The following NOP2 variants were observed in gnomAD, a reference collection of about 807,000 sequenced individuals.
NOP2 encodes the protein NOP2 nucleolar protein.
In NOP2, 7 loss-of-function variants were observed where a neutral mutation model predicts 72.7. The observed-to-expected ratio is 0.10, with a 90% CI of 0.05 to 0.18. The LOEUF is 0.18. Among genes scored for constraint, NOP2 ranks in the 10% least tolerant of loss-of-function variants. The pLI, the probability that NOP2 is intolerant of heterozygous loss-of-function variation, is 1.00. For missense variants in NOP2, 954 were observed against 1,014.7 expected (o/e 0.94, Z 0.81); for synonymous variants, 387 against 388.0 (o/e 1.00, Z 0.03).
rs544955920 is a variant in NOP2 at position 6,565,678 on chromosome 12, T to C, written c.474+423A>G. ...TTTGTAGATACGGGATCTCCCTATG[T>C]TGCCCAAGCTGGTCTCCAATTCCTG... On this transcript the variant is annotated intron_variant, in intron 5 of 15. Coordinates refer to ENST00000322166, the MANE Select transcript of NOP2 (RefSeq NM_001258308.2). Among the ~76,000 whole-genome samples the C allele has an allele frequency of 7.9e-5, 12 of 151,848 alleles. 1 individual carries two copies. Among genetic ancestry groups the C allele is most frequent in the African/African-American group, 2.4e-4 (10 of 41,366 alleles).
chr12:6,563,014 G>C (rs1255426232), intron 9 of NOP2, 67 bp downstream of exon 9: 3 of 1,440,202 alleles, frequency 2.1e-6, no homozygotes, highest in Non-Finnish European at 1.9e-6. Context: ...TAGCACAGAG[G>C]AATCTCTGGA....
At chr12:6,564,988 AG>A (rs544824506) in intron 5 of NOP2, among the ~76,000 whole-genome samples, 152 of 152,258 alleles carry the variant, frequency 1.0e-3, no homozygotes, top group African/African-American at 3.4e-3. Flanking sequence ...AAGGGGATGT[AG>A]GAAGGGGGTG....
At chr12:6,567,774 C>T (rs1232055597) in intron 2 of NOP2, 42 bp downstream of exon 2, 1 of 1,476,520 alleles carries the variant, frequency 6.8e-7, no homozygotes, top group East Asian at 2.3e-5. Flanking sequence ...ATACAGAATA[C>T]TGCAAAAGCT....
intron 5 of NOP2, among the ~76,000 whole-genome samples, chr12:6,565,570 G>A (rs565022930): frequency 4.4e-4 from 67 of 152,114 alleles, no homozygotes; most frequent in African/African-American, 1.6e-3. Flanking sequence ...GAACTCCGGA[G>A]CTCAGGTGAT....
Position 6,563,098 on chromosome 12 carries a change from G to A in NOP2, c.961C>T (p.Arg321Cys), listed in dbSNP as rs1351840893. Residue 321 changes from arginine to cysteine, a missense_variant, in exon 9 of 16, where the codon CGC becomes TGC. This residue lies in a region of NOP2 where 498 missense variants were observed against 478.3 expected (regional missense o/e 1.04). Coordinates refer to ENST00000322166, the MANE Select transcript of NOP2 (RefSeq NM_001258308.2). ...TLRTNTLKTRRRDLAQALINR... is the reference protein window; with the variant it reads ...TLRTNTLKTRCRDLAQALINR... ...CCCCTCACCTGTGCAAGGTCTCGGC[G>A]TCGGGTTTTCAAGGTATTGGTCCGG... 4.4e-6 allele frequency: 7 copies of A among 1,591,070 alleles called. No homozygotes were observed. Among genetic ancestry groups the A allele is most frequent in the African/African-American group, 2.7e-5 (2 of 74,400 alleles).
Position 6,566,584 on chromosome 12 carries a change from G to A in NOP2, c.183C>T (p.Ala61=). ...CCTCAGGAGACTTATTTGTCTTAGG[G>A]GCTTCAACAGAGCCCAATCTCCTCT... ...AAKRRLGSVE[A]PKTNKSPEAK... The change falls in exon 4 of 16, where the codon GCC becomes GCT. Residue 61 remains alanine (A), a synonymous_variant. Transcript: ENST00000322166. 2 of 1,613,936 alleles carry A rather than the reference G, an allele frequency of 1.2e-6. No individual in the cohort carries two copies. Among genetic ancestry groups the A allele is most frequent in the Non-Finnish European group, 1.7e-6 (2 of 1,179,884 alleles).
In NOP2 at chr12:6,563,755, C is replaced by G. The variant is rs766719891; in HGVS notation, c.547G>C (p.Glu183Gln). The change falls in exon 7 of 16, where the codon GAG (glutamate) becomes CAG (glutamine). Residue 183 changes from glutamate (E) to glutamine (Q), a missense_variant. By Grantham distance (29) the Glu-to-Gln change is conservative (BLOSUM62 2). Transcript: ENST00000322166. Reference sequence around the variant, plus strand: ...TCTTCCTCCTCGTCCTCGGTCTCCTCTTCACTCCACTGGATCCTAGAAACA... The same window carrying G: ...TCTTCCTCCTCGTCCTCGGTCTCCTGTTCACTCCACTGGATCCTAGAAACA... ...EAAAGIQWSE[E>Q]ETEDEEEEKE... 2 of 1,613,248 alleles carry G rather than the reference C, an allele frequency of 1.2e-6. No individual in the cohort carries two copies. Among genetic ancestry groups the G allele is most frequent in the South Asian group, 1.1e-5 (1 of 90,940 alleles).
chr12:6,568,061 A>C (rs1592250116), intron 1 of NOP2, 139 bp from the exon 2 acceptor site: 1 of 635,462 alleles, frequency 1.6e-6, no homozygotes, highest in Non-Finnish European at 2.7e-6. Context: ...CCGACTCAGC[A>C]CCCGCGACTC....
At chr12:6,563,838 T>C in intron 6 of NOP2, 53 bp downstream of exon 6, 1 of 1,613,226 alleles carries the variant, frequency 6.2e-7, no homozygotes, top group Non-Finnish European at 8.5e-7. Flanking sequence ...TCCTCACAGC[T>C]TCCCCACCCC....
rs1947495602 is a variant in NOP2 at position 6,557,041 on chromosome 12, C to T, written c.2391G>A (p.Lys797=). The change falls in exon 16 of 16, where the codon AAG becomes AAA. Residue 797 remains lysine, a synonymous_variant. Transcript: ENST00000322166. ...PIRSSRPPPA[K]RKKSQSRGNS... ...TGCCCCTGGACTGAGATTTCTTCCT[C>T]TTTGCTGGTGGGGGGCGGCTGGAAC... The T allele has an allele frequency of 1.9e-6, 3 of 1,614,004 alleles. No homozygotes were observed. Among genetic ancestry groups the T allele is most frequent in the African/African-American group, 1.3e-5 (1 of 75,044 alleles).
At position 6,557,054 on chromosome 12, in the gene NOP2, G is replaced by A. The variant is rs2136163026; in HGVS notation, c.2378C>T (p.Pro793Leu). The change falls in exon 16 of 16, where the codon CCC becomes CTC. Residue 793 changes from proline to leucine, a missense_variant. Coordinates refer to ENST00000322166, the MANE Select transcript of NOP2 (RefSeq NM_001258308.2). ...PTVSPIRSSR[P>L]PPAKRKKSQS... is the part of the protein sequence containing the mutation. ...AGATTTCTTCCTCTTTGCTGGTGGG[G>A]GGCGGCTGGAACGGATGGGAGACAC... 1 of 1,614,006 alleles carries A rather than the reference G, an allele frequency of 6.2e-7. No individual in the cohort carries two copies. Among genetic ancestry groups the A allele is most frequent in the Non-Finnish European group, 8.5e-7 (1 of 1,179,894 alleles).
chr12:6,557,170 C>T lies in NOP2; in HGVS notation c.2262G>A (p.Gly754=). Residue 754 remains glycine, a synonymous_variant, in exon 16 of 16, where the codon GGG becomes GGA. Transcript: ENST00000322166. ...DHHQPLGRAK[G]VEKQQLPEQP... ...GCTCTGGCAACTGCTGCTTCTCAAC[C>T]CCCTTGGCCCTTCCAAGGGGCTGAT... The T allele has an allele frequency of 6.2e-7, 1 of 1,613,978 alleles. No homozygotes were observed. The highest frequency in any genetic ancestry group is 8.5e-7 in the Non-Finnish European group (1 of 1,179,886).
At position 6,557,067 on chromosome 12, in the gene NOP2, G is replaced by A. The variant is rs779798612; in HGVS notation, c.2365C>T (p.Arg789Cys). Residue 789 changes from arginine (R) to cysteine (C), a missense_variant, in exon 16 of 16, where the codon CGT (arginine) becomes TGT (cysteine). Physicochemically the swap from Arg to Cys is radical, Grantham distance 180. Transcript: ENST00000322166. ...TTTGCTGGTGGGGGGCGGCTGGAACGGATGGGAGACACAGTGGGAGGCTGA... is the reference window on the plus strand; with the variant it reads ...TTTGCTGGTGGGGGGCGGCTGGAACAGATGGGAGACACAGTGGGAGGCTGA... ...GPQPPTVSPI[R>C]SSRPPPAKRK... 6.8e-6 allele frequency: 11 copies of A among 1,613,956 alleles called. No homozygotes were observed. Among genetic ancestry groups the A allele is most frequent in the East Asian group, 6.7e-5 (3 of 44,884 alleles).
chr12:6,568,063 C>G, intron 1 of NOP2, 141 bp from the exon 2 acceptor site: 1 of 634,556 alleles, frequency 1.6e-6, no homozygotes. Context: ...GACTCAGCAC[C>G]CGCGACTCAA....
chr12:6,566,978 C>CT (rs11364535), intron 2 of NOP2, among the ~76,000 whole-genome samples, 156 bp from the exon 3 acceptor site: 136 of 146,248 alleles, frequency 9.3e-4, no homozygotes, highest in Admixed American at 2.3e-3. Flanking sequence ...ATACAAGTTT[C>CT]TTTTTTTTTT....
intron 9 of NOP2, among the ~76,000 whole-genome samples, chr12:6,562,759 A>G (rs1342017585): frequency 1.3e-5 from 2 of 152,168 alleles, no homozygotes; most frequent in Non-Finnish European, 2.9e-5. Flanking sequence ...TTGACTGTGC[A>G]TATGTGTCTT....
At chr12:6,558,106 A>C (rs1204541821) in intron 15 of NOP2, 1 of 358,792 alleles carries the variant, frequency 2.8e-6, no homozygotes, top group Non-Finnish European at 5.2e-6. Flanking sequence ...GCACCACTGC[A>C]GTCCAGCCTG....
chr12:6,559,707 C>A (rs1947595076), intron 15 of NOP2, among the ~76,000 whole-genome samples: 1 of 152,224 alleles, frequency 6.6e-6, no homozygotes, highest in South Asian at 2.1e-4. Flanking sequence ...GCTCAGAGAA[C>A]TGCTGACAAA....
rs372438344 is a variant in NOP2 at position 6,560,270 on chromosome 12, C to A, written c.1617G>T (p.Leu539=). 5 of 1,614,004 alleles carry A rather than the reference C, an allele frequency of 3.1e-6. No homozygotes were observed. In the Admixed American group the frequency reaches 8.3e-5, roughly 27 times the overall value. ...DYALKKRNVR[L]VPTGLDFGQE... Reference sequence around the variant, plus strand: ...GGCCAAAGTCTAGGCCCGTGGGCACCAGTCGCACATTCCTCTTTTTCAGAG... The same window carrying A: ...GGCCAAAGTCTAGGCCCGTGGGCACAAGTCGCACATTCCTCTTTTTCAGAG... Residue 539 remains leucine, a synonymous_variant, in exon 15 of 16, where the codon CTG becomes CTT. Transcript: ENST00000322166. This position sits in a 1 kb window ranked among gnomAD's most constrained non-coding sequence, Gnocchi z 5.0.
Sources: gnomAD v4.1 joint callset for allele counts (sites outside exome capture counted in the v4.1 genomes callset) on GRCh38, gnomAD v4.1.1 for gene constraint, gnomAD v4.1.1 regional missense constraint, Gnocchi (gnomAD v3.1) non-coding constraint, MANE v1.5 for transcripts, NCBI Gene and HGNC (gene_info 2026-07-23, HGNC 2026-07-21) for gene names.